Variants in ZFHX4 observed in about 807,000 individuals in gnomAD.
ZFHX4 encodes the protein zinc finger homeobox 4, also known as zinc finger homeobox protein 4.
A neutral mutation model predicts 267.6 loss-of-function variants in ZFHX4; 56 were observed. The observed-to-expected ratio is 0.21, with a 90% confidence interval of 0.17 to 0.26. ZFHX4 has a LOEUF of 0.26. Among genes scored for constraint, ZFHX4 ranks in the 10% least tolerant of loss-of-function variants. The pLI, the probability that ZFHX4 is intolerant of heterozygous loss-of-function variation, is 1.00. For synonymous variants in ZFHX4, 1,778 were observed against 1,665.6 expected, an observed-to-expected ratio of 1.07 and a Z score of -1.64; for missense variants, 4,332 against 4,420.0, an observed-to-expected ratio of 0.98 and a Z score of 0.56.
At chr8:76,681,826 C>T (rs1807538008) in intron 1 of ZFHX4, among the ~76,000 whole-genome samples, 1 of 152,064 alleles carries the variant, frequency 6.6e-6, no homozygotes. Flanking sequence ...TTCCGCTCTG[C>T]CCCCCTTTTC....
chr8:76,831,168 T>C (rs992870703), intron 4 of ZFHX4, among the ~76,000 whole-genome samples: 1 of 152,218 alleles, frequency 6.6e-6, no homozygotes, highest in Non-Finnish European at 1.5e-5. Context: ...TCACAGTACC[T>C]GGCAGAGATA....
At chr8:76,763,785 A>G (rs1453220655) in intron 3 of ZFHX4, among the ~76,000 whole-genome samples, 1 of 152,186 alleles carries the variant, frequency 6.6e-6, no homozygotes, top group Non-Finnish European at 1.5e-5. Context: ...ATTAACTAGA[A>G]AAACATATAA....
At chr8:76,835,648 T>A (rs1812074189) in intron 5 of ZFHX4, among the ~76,000 whole-genome samples, 1 of 152,010 alleles carries the variant, frequency 6.6e-6, no homozygotes, top group Non-Finnish European at 1.5e-5. Flanking sequence ...CTCCTAAAAA[T>A]CTAGAGAACA....
intron 3 of ZFHX4, among the ~76,000 whole-genome samples, chr8:76,717,974 C>G (rs545675921): frequency 2.6e-5 from 4 of 152,136 alleles, no homozygotes; most frequent in Non-Finnish European, 5.9e-5. Flanking sequence ...GTTTGGCAGG[C>G]CTGAGAATAA....
At chr8:76,837,386 G>A (rs1385922474) in intron 5 of ZFHX4, among the ~76,000 whole-genome samples, 1 of 151,920 alleles carries the variant, frequency 6.6e-6, no homozygotes, top group Non-Finnish European at 1.5e-5. Flanking sequence ...ACTGAACTTA[G>A]CATGGGAGTC....
At chr8:76,714,791 C>A (rs966404197) in intron 3 of ZFHX4, among the ~76,000 whole-genome samples, 1 of 152,142 alleles carries the variant, frequency 6.6e-6, no homozygotes, top group Non-Finnish European at 1.5e-5. Context: ...TGCTCAGAGA[C>A]AAAGAGTTTT....
At position 76,705,466 on chromosome 8, in the gene ZFHX4, T is replaced by C. The variant is rs1434797804; in HGVS notation, c.1378T>C (p.Cys460Arg). 2 of 1,613,440 alleles carry C rather than the reference T, an allele frequency of 1.2e-6. No individual in the cohort carries two copies. Among genetic ancestry groups the C allele is most frequent in the South Asian group, 1.1e-5 (1 of 91,006 alleles). Reference sequence around the variant, plus strand: ...CAACGTTTTACACCCAAACGGGGAGTGCCCTGTCAAAAGTGAACCCACTGA... The same window carrying C: ...CAACGTTTTACACCCAAACGGGGAGCGCCCTGTCAAAAGTGAACCCACTGA... The part of the protein sequence containing the change: ...ESNVLHPNGE[C>R]PVKSEPTEPG... Residue 460 changes from cysteine to arginine, a missense_variant, in exon 2 of 11, where the codon TGC (cysteine) becomes CGC (arginine). By Grantham distance (180) the Cys-to-Arg change is radical. Coordinates refer to ENST00000651372, the MANE Select transcript of ZFHX4 (RefSeq NM_024721.5).
chr8:76,709,426 T>G (rs1309542168), intron 3 of ZFHX4, among the ~76,000 whole-genome samples: 3 of 152,186 alleles, frequency 2.0e-5, no homozygotes, highest in Non-Finnish European at 4.4e-5. Context: ...ATTAATTGTA[T>G]TATAATTCAT....
In ZFHX4 at chr8:76,705,685, A is replaced by C. The variant is rs972420098; in HGVS notation, c.1597A>C (p.Thr533Pro). The change falls in exon 2 of 11, where the codon ACA (threonine) becomes CCA (proline). Residue 533 changes from threonine to proline, a missense_variant. This residue lies in a region of ZFHX4 where 1,195 missense variants were observed against 1,173.6 expected (regional missense o/e 1.02). Transcript: ENST00000651372. ...CTCCTCGGCGACTGTTTCTGATGACACAGAAAAGAAAAAACAGACTGCTGC... is the reference window on the plus strand; with the variant it reads ...CTCCTCGGCGACTGTTTCTGATGACCCAGAAAAGAAAAAACAGACTGCTGC... ...SSSSATVSDD[T>P]EKKKQTAAVR... The C allele has an allele frequency of 1.2e-6, 2 of 1,613,992 alleles. No individual in the cohort carries two copies. The highest frequency in any genetic ancestry group is 1.7e-6 in the Non-Finnish European group (2 of 1,179,904).
In ZFHX4 at chr8:76,705,099, A is replaced by T; in HGVS notation, c.1011A>T (p.Glu337Asp). ...KDKEPLISFL[E>D]PKKSTSVYPH... is the part of the protein sequence containing the mutation. ...AAGAACCTCTTATAAGCTTTCTGGA[A>T]CCAAAAAAATCCACTTCTGTTTATC... Residue 337 changes from glutamate to aspartate, a missense_variant, in exon 2 of 11, where the codon GAA becomes GAT. Glu to Asp is a conservative substitution (Grantham distance 45). Around this residue, in one of 7 missense-constraint regions of ZFHX4, gnomAD observed 1,195 missense variants for 1,173.6 expected, o/e 1.02. Transcript: ENST00000651372. 6.2e-7 allele frequency: 1 copy of T among 1,613,748 alleles called. No homozygotes were observed. Among genetic ancestry groups the T allele is most frequent in the African/African-American group, 1.3e-5 (1 of 74,994 alleles).
At chr8:76,828,698 G>C (rs918609033) in intron 4 of ZFHX4, among the ~76,000 whole-genome samples, 3 of 152,190 alleles carry the variant, frequency 2.0e-5, no homozygotes, top group African/African-American at 7.2e-5. Flanking sequence ...GGCATGGCTA[G>C]AGGGGTTGTG....
At position 76,730,838 on chromosome 8, in the gene ZFHX4, G is replaced by A. The variant is rs544498906; in HGVS notation, c.3093+22790G>A. Among the ~76,000 whole-genome samples the A allele has an allele frequency of 5.3e-5, 8 of 152,220 alleles. 1 individual carries two copies. The Middle Eastern group carries it at 0.014, about 259-fold the overall frequency. ...AATAAGACATCTATAAAGCTCCTCC[G>A]TTTTGTATCACTACATCATAGCTAA... is the stretch of plus-strand genomic sequence containing the variant. On this transcript the variant is annotated intron_variant, in intron 3 of 10. Transcript: ENST00000651372.
intron 4 of ZFHX4, among the ~76,000 whole-genome samples, chr8:76,802,649 C>A (rs1483735154): frequency 6.6e-6 from 1 of 152,138 alleles, no homozygotes; most frequent in Non-Finnish European, 1.5e-5. Flanking sequence ...GTGCCTCTGA[C>A]TTAGAAAATA....
chr8:76,696,263 A>G (rs555636550), intron 1 of ZFHX4, among the ~76,000 whole-genome samples: 47 of 152,166 alleles, frequency 3.1e-4, no homozygotes, highest in Non-Finnish European at 5.9e-4. Flanking sequence ...TTGAGATAAC[A>G]TTATTTCTTC....
intron 3 of ZFHX4, among the ~76,000 whole-genome samples, chr8:76,771,029 T>C (rs1810250304): frequency 6.6e-6 from 1 of 152,290 alleles, no homozygotes; most frequent in East Asian, 1.9e-4. Context: ...AAACTGGAAG[T>C]GTGCTGGAAA....
chr8:76,825,241 A>G (rs1488885358), intron 4 of ZFHX4, among the ~76,000 whole-genome samples: 30 of 152,224 alleles, frequency 2.0e-4, no homozygotes, highest in Admixed American at 1.9e-3. Context: ...TCAATACTAC[A>G]CACTTTGTAT....
intron 3 of ZFHX4, among the ~76,000 whole-genome samples, chr8:76,722,995 A>T (rs1311014599): frequency 2.0e-5 from 3 of 152,078 alleles, no homozygotes; most frequent in Admixed American, 2.0e-4. Flanking sequence ...CATACTCATC[A>T]ACTTGAAAAG....
chr8:76,706,713 T>C (rs778826473), intron 2 of ZFHX4, 35 bp downstream of exon 2: 1 of 1,493,428 alleles, frequency 6.7e-7, no homozygotes, highest in South Asian at 1.4e-5. Flanking sequence ...CTGTTGTTAG[T>C]TTCTAATCAC....
At chr8:76,718,061 A>G (rs933348237) in intron 3 of ZFHX4, among the ~76,000 whole-genome samples, 2 of 152,246 alleles carry the variant, frequency 1.3e-5, no homozygotes, top group Non-Finnish European at 2.9e-5. Flanking sequence ...CTAATTGCCG[A>G]CACCTCTGAA....
Sources: allele counts gnomAD v4.1 joint callset (sites outside exome capture counted in the v4.1 genomes callset), GRCh38; gene constraint gnomAD v4.1.1; regional missense constraint gnomAD v4.1.1; transcripts MANE v1.5; gene names NCBI Gene and HGNC (gene_info 2026-07-23, HGNC 2026-07-21).